The following AGBL1 variants were observed in gnomAD, a reference collection of about 807,000 sequenced individuals.
AGBL1 encodes the protein AGBL carboxypeptidase 1, also known as cytosolic carboxypeptidase 4.
A neutral mutation model predicts 118.9 loss-of-function variants in AGBL1; 130 were observed. That is an observed-to-expected ratio of 1.09 (90% CI 0.95 to 1.26). The LOEUF (loss-of-function observed/expected upper bound fraction) is 1.26. AGBL1 is among the 50% of genes most tolerant of loss of function. The probability of loss-of-function intolerance (pLI) is 0.00; values close to 1 mark genes in which losing one functional copy is unlikely to be tolerated. For synonymous variants in AGBL1, 555 were observed against 478.9 expected (o/e 1.16, Z -2.08); for missense variants, 1,584 against 1,298.1 (o/e 1.22, Z -3.38).
intron 18 of AGBL1, among the ~76,000 whole-genome samples, chr15:86,447,867 G>A (rs762303206): frequency 6.6e-6 from 1 of 152,204 alleles, no homozygotes; most frequent in African/African-American, 2.4e-5. Flanking sequence ...AAACAGGGCC[G>A]GGTGCAGTGG....
At chr15:86,176,480 C>G (rs950653251) in intron 5 of AGBL1, among the ~76,000 whole-genome samples, 2 of 152,204 alleles carry the variant, frequency 1.3e-5, no homozygotes, top group Admixed American at 6.5e-5. Flanking sequence ...TGCTTCAGCT[C>G]CCTTTGTCCT....
In AGBL1 at chr15:86,827,434, T is replaced by C. The variant is rs372628316; in HGVS notation, c.3159-79653T>C. Among the ~76,000 whole-genome samples, 10 of 10,084 alleles carry C rather than the reference T, an allele frequency of 9.9e-4. 1 individual carries two copies. Among genetic ancestry groups the C allele is most frequent in the African/African-American group, 4.7e-3 (8 of 1,708 alleles). The allele number at this position is 10,084 out of a possible 152,430, so 6.6% of individuals were successfully genotyped here. ...GTGTATATATATATATATATACACA[T>C]ATATATATGTGTGTGTATATATATA... On this transcript the variant is annotated intron_variant, in intron 22 of 22. Coordinates refer to ENST00000614907, the MANE Select transcript of AGBL1 (RefSeq NM_001386094.1).
At chr15:86,846,517 G>GTT (rs111896828) in intron 22 of AGBL1, among the ~76,000 whole-genome samples, 11 of 151,300 alleles carry the variant, frequency 7.3e-5, no homozygotes, top group African/African-American at 2.7e-4. Flanking sequence ...AATTTGGGTA[G>GTT]TTTTTTTTTG....
At chr15:86,982,546 A>G (rs901280074) in intron 23 of AGBL1, among the ~76,000 whole-genome samples, 1 of 151,932 alleles carries the variant, frequency 6.6e-6, no homozygotes, top group African/African-American at 2.4e-5. Flanking sequence ...CTTTTCTTCT[A>G]CCTCCTCCAC....
intron 21 of AGBL1, among the ~76,000 whole-genome samples, chr15:86,592,322 G>A (rs576012652): frequency 2.0e-5 from 3 of 152,336 alleles, no homozygotes; most frequent in Admixed American, 2.0e-4. Context: ...CAGCCAAGGG[G>A]CATAAGGCAG....
At chr15:86,364,990 C>CACACACACATATATATAT (rs1375423943) in intron 17 of AGBL1, among the ~76,000 whole-genome samples, 5 of 64,996 alleles carry the variant, frequency 7.7e-5, no homozygotes, top group African/African-American at 1.1e-4. Context: ...TATATATATA[C>CACACACACATATATATAT]ACACACACAT....
chr15:86,702,004 G>T, intron 22 of AGBL1, among the ~76,000 whole-genome samples: 1 of 143,844 alleles, frequency 7.0e-6, no homozygotes, highest in Non-Finnish European at 1.5e-5. Flanking sequence ...CCTTGTGGCT[G>T]ATCTACCCCA....
intron 5 of AGBL1, among the ~76,000 whole-genome samples, chr15:86,189,460 C>T (rs1597516183): frequency 6.6e-6 from 1 of 152,196 alleles, no homozygotes; most frequent in East Asian, 1.9e-4. Context: ...AATCGGATCC[C>T]CAGTGTTGGA....
At chr15:86,256,580 C>G (rs1032024382) in intron 7 of AGBL1, among the ~76,000 whole-genome samples, 2 of 152,178 alleles carry the variant, frequency 1.3e-5, no homozygotes, top group African/African-American at 4.8e-5. Flanking sequence ...AATTTTAAGT[C>G]TGTATTCAGA....
At chr15:86,622,964 A>C (rs546986388) in intron 21 of AGBL1, among the ~76,000 whole-genome samples, 2 of 152,340 alleles carry the variant, frequency 1.3e-5, no homozygotes, top group South Asian at 4.1e-4. Context: ...AGGAGCATGC[A>C]GTGCAGCCTA....
chr15:86,330,403 G>A (rs1035637330), intron 17 of AGBL1, among the ~76,000 whole-genome samples: 11 of 152,086 alleles, frequency 7.2e-5, no homozygotes, highest in African/African-American at 2.7e-4. Flanking sequence ...ACTCTGCCTA[G>A]CATTTTCTAC....
At chr15:86,138,186 GA>G (rs2076914700) in intron 1 of AGBL1, 1 of 152,212 alleles carries the variant, frequency 6.6e-6, no homozygotes, top group African/African-American at 2.4e-5. Flanking sequence ...ACTGCAGACA[GA>G]TTCATCCCCC....
intron 18 of AGBL1, among the ~76,000 whole-genome samples, chr15:86,469,256 C>T (rs968023125): frequency 5.9e-5 from 9 of 152,160 alleles, no homozygotes; most frequent in Admixed American, 3.9e-4. Flanking sequence ...ATTCCCTCAG[C>T]CTCTGGTAAT....
chr15:86,680,565 C>CTTTTTTTTTTTTTTTTTT (rs34873609), intron 22 of AGBL1, among the ~76,000 whole-genome samples: 93 of 94,694 alleles, frequency 9.8e-4, no homozygotes, highest in Non-Finnish European at 1.2e-3. Flanking sequence ...TCTTTCTTTT[C>CTTTTTTTTTTTTTTTTTT]TTTTTTTTTT....
chr15:86,863,780 A>G (rs530729492), intron 22 of AGBL1, among the ~76,000 whole-genome samples: 2 of 152,308 alleles, frequency 1.3e-5, no homozygotes, highest in African/African-American at 4.8e-5. Flanking sequence ...AACAGCTTCT[A>G]AAGGAAAACA....
intron 1 of AGBL1, among the ~76,000 whole-genome samples, chr15:86,136,965 AACAGGGGATT>A (rs1213837440): frequency 6.6e-6 from 1 of 152,154 alleles, no homozygotes; most frequent in Non-Finnish European, 1.5e-5. Context: ...TTTTTTCAAC[AACAGGGGATT>A]ACTCAATGTT....
intron 21 of AGBL1, among the ~76,000 whole-genome samples, chr15:86,673,974 G>T (rs947996891): frequency 2.0e-5 from 3 of 152,098 alleles, no homozygotes; most frequent in Admixed American, 6.5e-5. Context: ...TGACCATGGT[G>T]TGGGAAGGGT....
intron 6 of AGBL1, among the ~76,000 whole-genome samples, chr15:86,243,105 T>C (rs1205947248): frequency 6.6e-6 from 1 of 152,262 alleles, no homozygotes; most frequent in Non-Finnish European, 1.5e-5. Context: ...GTGTGGCTAA[T>C]AGTCTGTAGG....
At chr15:86,662,189 A>G (rs1353176870) in intron 21 of AGBL1, among the ~76,000 whole-genome samples, 1 of 152,262 alleles carries the variant, frequency 6.6e-6, no homozygotes, top group Non-Finnish European at 1.5e-5. Flanking sequence ...AAATGTGCAT[A>G]CACACACATA....
Sources: gnomAD v4.1 joint callset for allele counts (sites outside exome capture counted in the v4.1 genomes callset) on GRCh38, gnomAD v4.1.1 for gene constraint, MANE v1.5 for transcripts, NCBI Gene and HGNC (gene_info 2026-07-23, HGNC 2026-07-21) for gene names.